The following LRP1B variants were observed in gnomAD, a reference collection of about 807,000 sequenced individuals.
The protein encoded by LRP1B is low-density lipoprotein receptor-related protein 1B.
LRP1B carries 217 observed loss-of-function variants against 556.6 expected under a neutral mutation model. That is an observed-to-expected ratio of 0.39 (90% confidence interval 0.35 to 0.44). The LOEUF is 0.44. Ranked by LOEUF, LRP1B falls within the 20% of genes least tolerant of loss-of-function variation. The probability of loss-of-function intolerance (pLI) is 1.00; values close to 1 mark genes in which losing one functional copy is unlikely to be tolerated. For synonymous variants in LRP1B, 2,047 were observed against 1,865.8 expected, an observed-to-expected ratio of 1.10 and a Z score of -2.50; for missense variants, 5,053 against 5,620.8, an observed-to-expected ratio of 0.90 and a Z score of 3.23.
At chr2:141,419,594 C>T (rs1246345752) in intron 3 of LRP1B, among the ~76,000 whole-genome samples, 1 of 152,032 alleles carries the variant, frequency 6.6e-6, no homozygotes, top group South Asian at 2.1e-4. Flanking sequence ...ATAAACTTTT[C>T]CATTTCTGTA....
intron 41 of LRP1B, among the ~76,000 whole-genome samples, chr2:140,695,505 T>G (rs1015247393): frequency 3.3e-5 from 5 of 152,206 alleles, no homozygotes; most frequent in African/African-American, 1.2e-4. Flanking sequence ...CTCTGTAGCA[T>G]CTATGTAGCC....
intron 3 of LRP1B, among the ~76,000 whole-genome samples, chr2:141,479,081 T>A (rs1443347336): frequency 7.9e-5 from 12 of 152,180 alleles, no homozygotes; most frequent in Non-Finnish European, 1.6e-4. Flanking sequence ...TCAGCGTAAT[T>A]GGACCTTCCT....
chr2:141,701,901 A>G (rs1691952420), intron 2 of LRP1B, among the ~76,000 whole-genome samples: 1 of 151,880 alleles, frequency 6.6e-6, no homozygotes, highest in Non-Finnish European at 1.5e-5. Context: ...CAGATTTACA[A>G]AGAGACAAAT....
In LRP1B at chr2:140,346,967, A is replaced by G. The variant is rs571801835; in HGVS notation, c.11892+3830T>C. Among the ~76,000 whole-genome samples the G allele has an allele frequency of 5.3e-5, 8 of 152,122 alleles. No homozygotes were observed. In the South Asian group the frequency reaches 1.7e-3, roughly 32 times the overall value. ...ATACCAAAAATGATATCTCATATTT[A>G]CTTTTCAAAGTCAAGTAGATCAGAT... is the stretch of plus-strand genomic sequence containing the variant. On this transcript the variant is annotated intron_variant, in intron 77 of 90. Coordinates refer to ENST00000389484, the MANE Select transcript of LRP1B (RefSeq NM_018557.3).
chr2:141,808,982 C>T (rs56128220), intron 2 of LRP1B, among the ~76,000 whole-genome samples: 4,978 of 152,098 alleles, frequency 0.033, 293 homozygotes, highest in African/African-American at 0.11. Flanking sequence ...ACAATTTATC[C>T]ATTAGAATTT....
At chr2:141,343,053 G>A (rs1356702920) in intron 3 of LRP1B, among the ~76,000 whole-genome samples, 1 of 152,184 alleles carries the variant, frequency 6.6e-6, no homozygotes, top group Non-Finnish European at 1.5e-5. Context: ...AGCCAGAAGA[G>A]AGTGGGGGCC....
intron 25 of LRP1B, among the ~76,000 whole-genome samples, chr2:140,868,508 T>A (rs1356538996): frequency 6.6e-6 from 1 of 152,016 alleles, no homozygotes; most frequent in Non-Finnish European, 1.5e-5. Context: ...GAATAGCAGG[T>A]GACTGACCTA....
At chr2:141,818,913 T>G (rs1364491769) in intron 1 of LRP1B, among the ~76,000 whole-genome samples, 1 of 151,570 alleles carries the variant, frequency 6.6e-6, no homozygotes, top group Non-Finnish European at 1.5e-5. Context: ...AATCAATCAT[T>G]CACTCAAGTC....
chr2:141,222,343 A>C (rs1204030110), intron 6 of LRP1B, among the ~76,000 whole-genome samples: 1 of 152,206 alleles, frequency 6.6e-6, no homozygotes, highest in Non-Finnish European at 1.5e-5. Context: ...ACCAGAAAGA[A>C]GTTGAATCCC....
chr2:140,600,552 CT>C (rs914085729), intron 42 of LRP1B, among the ~76,000 whole-genome samples: 1 of 151,686 alleles, frequency 6.6e-6, no homozygotes. Context: ...ATTCTTCAAT[CT>C]TTTTTTTGTT....
At chr2:140,781,476 A>G (rs1427999770) in intron 32 of LRP1B, among the ~76,000 whole-genome samples, 3 of 152,194 alleles carry the variant, frequency 2.0e-5, no homozygotes, top group Admixed American at 1.3e-4. Flanking sequence ...TACAATATTC[A>G]TTAATCCATT....
At chr2:140,666,326 A>ACACCACAC (rs201402336) in intron 41 of LRP1B, among the ~76,000 whole-genome samples, 3 of 123,252 alleles carry the variant, frequency 2.4e-5, no homozygotes, top group East Asian at 2.2e-4. Context: ...ACACACACAC[A>ACACCACAC]CACACCACAC....
At chr2:141,389,456 C>T (rs573922283) in intron 3 of LRP1B, among the ~76,000 whole-genome samples, 28 of 152,210 alleles carry the variant, frequency 1.8e-4, no homozygotes, top group East Asian at 5.8e-4. Flanking sequence ...TCACACCATA[C>T]GCAAAAATTA....
At chr2:140,846,295 T>C (rs1198200598) in intron 29 of LRP1B, among the ~76,000 whole-genome samples, 1 of 152,184 alleles carries the variant, frequency 6.6e-6, no homozygotes, top group African/African-American at 2.4e-5. Flanking sequence ...GAGCAATATA[T>C]ACATTAAGAA....
At chr2:141,529,597 C>T (rs968266407) in intron 2 of LRP1B, among the ~76,000 whole-genome samples, 6 of 152,122 alleles carry the variant, frequency 3.9e-5, no homozygotes, top group African/African-American at 1.4e-4. Context: ...GACTTGGATT[C>T]AAGTATAGAA....
At chr2:141,334,921 G>C (rs1384885880) in intron 3 of LRP1B, among the ~76,000 whole-genome samples, 1 of 152,086 alleles carries the variant, frequency 6.6e-6, no homozygotes, top group African/African-American at 2.4e-5. Context: ...TTGTTAAAGA[G>C]GTTGAATTTG....
intron 1 of LRP1B, among the ~76,000 whole-genome samples, chr2:141,909,524 ACATTTTTTTTTTT>A (rs1433144123): frequency 1.7e-4 from 18 of 104,486 alleles, no homozygotes; most frequent in Admixed American, 5.1e-4. Flanking sequence ...AAGGTCTCAG[ACATTTTTTTTTTT>A]TTTTTTTTTT....
In LRP1B at chr2:141,697,773, C is replaced by T. The variant is rs184926128; in HGVS notation, c.205+112506G>A. Among the ~76,000 whole-genome samples the T allele has an allele frequency of 9.9e-5, 15 of 151,994 alleles. No homozygotes were observed. In the East Asian group the frequency reaches 1.9e-3, roughly 20 times the overall value. On this transcript the variant is annotated intron_variant, in intron 2 of 90. Coordinates refer to ENST00000389484, the MANE Select transcript of LRP1B (RefSeq NM_018557.3). ...TTTCTTCTATAAGAAACAATTGGCT[C>T]CATTTCTGTGAAAGTGGCTACAAAT...
intron 6 of LRP1B, among the ~76,000 whole-genome samples, chr2:141,206,131 TCACACACACACACACA>T (rs10556736): frequency 2.0e-5 from 3 of 149,440 alleles, no homozygotes; most frequent in Non-Finnish European, 4.5e-5. Flanking sequence ...AGTGTACTAT[TCACACACACACACACA>T]CACACACACA....
Sources: gnomAD v4.1 joint callset for allele counts (sites outside exome capture counted in the v4.1 genomes callset) on GRCh38, gnomAD v4.1.1 for gene constraint, MANE v1.5 for transcripts, NCBI Gene and HGNC (gene_info 2026-07-23, HGNC 2026-07-21) for gene names.